Variants in EVI5 observed in about 807,000 individuals in gnomAD.
EVI5 encodes ecotropic viral integration site 5.
EVI5 carries 73 observed loss-of-function variants against 112.0 expected under a neutral mutation model. That is an observed-to-expected ratio of 0.65 (90% CI 0.54 to 0.79). EVI5 has a LOEUF of 0.79. Among genes scored for constraint, EVI5 ranks in the 30% least tolerant of loss-of-function variants. The pLI is 0.00. For synonymous variants in EVI5, 305 were observed against 319.9 expected (o/e 0.95, Z 0.50); for missense variants, 900 against 968.8 (o/e 0.93, Z 0.94).
At chr1:92,624,063 A>C (rs916245267) in intron 16 of EVI5, 113 bp downstream of exon 16, 77 of 947,010 alleles carry the variant, frequency 8.1e-5, no homozygotes, top group Middle Eastern at 3.4e-4. Flanking sequence ...ACTGCGGTCT[A>C]TACAGCTTCA....
chr1:92,727,291 T>C (rs919888245), intron 2 of EVI5, among the ~76,000 whole-genome samples: 4 of 152,176 alleles, frequency 2.6e-5, no homozygotes, highest in Non-Finnish European at 4.4e-5. Context: ...GTAGTAATAA[T>C]GGCACAAATT....
chr1:92,737,695 C>T (rs11805698), intron 1 of EVI5, among the ~76,000 whole-genome samples: 30,326 of 152,058 alleles, frequency 0.2, 3,530 homozygotes, highest in Non-Finnish European at 0.26. Flanking sequence ...TTCCTCCTGC[C>T]CTCAATATAT....
intron 19 of EVI5, among the ~76,000 whole-genome samples, chr1:92,563,131 G>C (rs965406953): frequency 6.6e-6 from 1 of 152,126 alleles, no homozygotes; most frequent in South Asian, 2.1e-4. Context: ...GAATCTCACA[G>C]ATTCAAGGTA....
In EVI5 at chr1:92,736,614, TTGTC is replaced by T; in HGVS notation, c.-72_-69del. 14 of 1,613,502 alleles carry T rather than the reference TTGTC, an allele frequency of 8.7e-6. No homozygotes were observed. The highest frequency in any genetic ancestry group is 2.2e-5 in the East Asian group (1 of 44,876). The stretch of plus-strand genomic sequence containing the variant: ...AGTAGAGCTCAGCTTTTCTGCAACT[TTGTC>T]TGTCGCCACCTAAGGACAAAAATAA... On this transcript the variant is annotated 5_prime_UTR_variant, in exon 2 of 20. Coordinates refer to ENST00000684568, the MANE Select transcript of EVI5 (RefSeq NM_001350197.2).
chr1:92,558,108 C>A (rs148054290), intron 19 of EVI5, among the ~76,000 whole-genome samples: 1 of 152,114 alleles, frequency 6.6e-6, no homozygotes, highest in African/African-American at 2.4e-5. Context: ...TAAATAACTA[C>A]GCTGAAATGA....
intron 13 of EVI5, among the ~76,000 whole-genome samples, chr1:92,650,738 T>C (rs1661941210): frequency 6.6e-6 from 1 of 152,140 alleles, no homozygotes; most frequent in African/African-American, 2.4e-5. Context: ...TACTCAATTT[T>C]ATCTCTGTTA....
chr1:92,564,655 C>T (rs928979233), intron 18 of EVI5, among the ~76,000 whole-genome samples: 3 of 149,834 alleles, frequency 2.0e-5, no homozygotes, highest in African/African-American at 4.9e-5. Flanking sequence ...CACCTGAAAA[C>T]GAACATAAAT....
At chr1:92,666,072 T>TG in intron 10 of EVI5, 80 bp from the exon 11 acceptor site, 1 of 829,964 alleles carries the variant, frequency 1.2e-6, no homozygotes, top group Non-Finnish European at 2.0e-6. Flanking sequence ...CCTGAAAATG[T>TG]ATCACCTTTT....
chr1:92,630,836 A>G (rs1343497678), intron 14 of EVI5, among the ~76,000 whole-genome samples: 3 of 152,128 alleles, frequency 2.0e-5, no homozygotes, highest in Non-Finnish European at 2.9e-5. Flanking sequence ...ATCTTGAATT[A>G]ATTTTTGTAT....
At position 92,508,730 on chromosome 1, in the gene EVI5, A is replaced by C. The variant is rs1659009504; in HGVS notation, c.*4926T>G. ...AATGGAAAACTTTAATTGTTTAAAG[A>C]AAAGGCACAAGTAAACATTTCAGGT... is the stretch of plus-strand genomic sequence containing the variant. On this transcript the variant is annotated 3_prime_UTR_variant, in exon 20 of 20. Transcript: ENST00000684568. 6.6e-6 allele frequency: 1 copy of C among 152,664 alleles called. No individual in the cohort carries two copies. The highest frequency in any genetic ancestry group is 1.5e-5 in the Non-Finnish European group (1 of 68,038). 9.5% of individuals were successfully genotyped at this position (152,664 alleles called of 1,614,324 possible).
chr1:92,531,983 C>G (rs747283153), intron 19 of EVI5, among the ~76,000 whole-genome samples: 9 of 152,132 alleles, frequency 5.9e-5, no homozygotes, highest in Non-Finnish European at 1.3e-4. Flanking sequence ...AATTAAAAGA[C>G]ACAGACTGGC....
At chr1:92,749,259 G>GC (rs1479235934) in intron 1 of EVI5, 1 of 332,650 alleles carries the variant, frequency 3.0e-6, no homozygotes, top group African/African-American at 2.3e-5. Context: ...TACCACTGGT[G>GC]CATCTGCTGG....
chr1:92,550,853 A>G (rs1474489617), intron 19 of EVI5, among the ~76,000 whole-genome samples: 2 of 132,706 alleles, frequency 1.5e-5, no homozygotes, highest in Non-Finnish European at 3.2e-5. Flanking sequence ...AACTTAAAAT[A>G]TACTCTTTGA....
At chr1:92,647,653 T>C (rs1400041900) in intron 13 of EVI5, 2 of 314,792 alleles carry the variant, frequency 6.4e-6, no homozygotes, top group Non-Finnish European at 1.3e-5. Flanking sequence ...CCTGACTAAA[T>C]TGCTTCTTCC....
chr1:92,622,342 T>A (rs1654778906), intron 16 of EVI5: 1 of 445,734 alleles, frequency 2.2e-6, no homozygotes, highest in Admixed American at 2.4e-5. Flanking sequence ...GGTTCCAGAC[T>A]GCCAACAGTG....
chr1:92,563,831 T>C, intron 18 of EVI5, 94 bp from the exon 19 acceptor site: 1 of 628,536 alleles, frequency 1.6e-6, no homozygotes, highest in Non-Finnish European at 2.8e-6. Flanking sequence ...CATAGGCACA[T>C]ACCCTTTAAT....
intron 1 of EVI5, among the ~76,000 whole-genome samples, chr1:92,738,184 T>C (rs963427037): frequency 1.3e-5 from 2 of 152,156 alleles, no homozygotes; most frequent in Non-Finnish European, 2.9e-5. Flanking sequence ...ACTTTATTTG[T>C]GCCACGAAAT....
intron 14 of EVI5, among the ~76,000 whole-genome samples, chr1:92,632,327 G>A (rs1268415860): frequency 2.0e-5 from 3 of 151,954 alleles, no homozygotes; most frequent in Admixed American, 1.3e-4. Flanking sequence ...TTTTTTGGTT[G>A]GTAAGCTATT....
At chr1:92,765,049 G>A (rs1166911327) in intron 1 of EVI5, among the ~76,000 whole-genome samples, 2 of 151,780 alleles carry the variant, frequency 1.3e-5, no homozygotes, top group Admixed American at 1.3e-4. Flanking sequence ...TTTATGAGGC[G>A]GACAATATAA....
Sources: allele counts gnomAD v4.1 joint callset (sites outside exome capture counted in the v4.1 genomes callset), GRCh38; gene constraint gnomAD v4.1.1; transcripts MANE v1.5; gene names NCBI Gene and HGNC (gene_info 2026-07-23, HGNC 2026-07-21).